The following SLC39A10 variants were observed in gnomAD, a reference collection of about 807,000 sequenced individuals.
The protein encoded by SLC39A10 is solute carrier family 39 member 10.
In SLC39A10, 13 loss-of-function variants were observed where a neutral mutation model predicts 65.1. The ratio of observed to expected loss-of-function variants is 0.20; its 90% CI spans 0.13 to 0.32. SLC39A10 has a LOEUF of 0.32. Ranked by LOEUF, SLC39A10 falls within the 10% of genes least tolerant of loss-of-function variation. The probability of loss-of-function intolerance (pLI) is 1.00; values close to 1 mark genes in which losing one functional copy is unlikely to be tolerated. For missense variants in SLC39A10, 831 were observed against 1,018.4 expected (o/e 0.82, Z 2.50); for synonymous variants, 321 against 342.2 (o/e 0.94, Z 0.68).
intron 3 of SLC39A10, among the ~76,000 whole-genome samples, chr2:195,688,612 TAGTAGTAGG>T (rs888942118): frequency 6.6e-6 from 1 of 152,184 alleles, no homozygotes; most frequent in African/African-American, 2.4e-5. Context: ...CTTAGGAGAA[TAGTAGTAGG>T]ACTGTTTTCC....
rs957217987 is a variant in SLC39A10, at chr2:195,683,567, T to G, written c.1009-132T>G. 4.5e-6 allele frequency: 3 copies of G among 661,286 alleles called. No homozygotes were observed. In the African/African-American group the frequency reaches 5.5e-5, roughly 12 times the overall value. The allele number at this position is 661,286 out of a possible 1,614,324, so 41.0% of individuals were successfully genotyped here. ...CAAATTCTTATTAAAAAGTTTTATT[T>G]GTAATAGATATCTATGTATTACAGA... On this transcript the variant is annotated intron_variant, in intron 2 of 9. Transcript: ENST00000359634.
intron 1 of SLC39A10, among the ~76,000 whole-genome samples, chr2:195,673,438 G>T (rs932220777): frequency 1.3e-5 from 2 of 152,214 alleles, no homozygotes; most frequent in East Asian, 1.9e-4. Flanking sequence ...AATTGCAGGC[G>T]TGAGCCACAG....
At chr2:195,710,537 G>T (rs1559044538) in intron 5 of SLC39A10, among the ~76,000 whole-genome samples, 1 of 152,100 alleles carries the variant, frequency 6.6e-6, no homozygotes, top group African/African-American at 2.4e-5. Flanking sequence ...TGGGATTCAT[G>T]GGAGTGATTC....
At chr2:195,669,501 A>G (rs1689764064) in intron 1 of SLC39A10, among the ~76,000 whole-genome samples, 1 of 152,190 alleles carries the variant, frequency 6.6e-6, no homozygotes, top group Non-Finnish European at 1.5e-5. Context: ...AAAATCTCAA[A>G]CATTCTACAT....
intron 2 of SLC39A10, among the ~76,000 whole-genome samples, chr2:195,629,974 G>C (rs1177969540): frequency 3.9e-5 from 6 of 152,032 alleles, no homozygotes; most frequent in Non-Finnish European, 7.4e-5. Context: ...AGGCTCAAAT[G>C]ATCTGCCCAC....
At chr2:195,629,265 GT>G (rs1407961755) in intron 2 of SLC39A10, among the ~76,000 whole-genome samples, 1 of 151,896 alleles carries the variant, frequency 6.6e-6, no homozygotes, top group Non-Finnish European at 1.5e-5. Context: ...GTGGTGGCGG[GT>G]GCCTGTAGTC....
At chr2:195,626,970 A>G (rs373841744) in intron 2 of SLC39A10, among the ~76,000 whole-genome samples, 3 of 152,206 alleles carry the variant, frequency 2.0e-5, no homozygotes, top group Admixed American at 6.5e-5. Flanking sequence ...ATGTCTTCCC[A>G]TATCCCTTGG....
At chr2:195,630,823 A>G (rs928287950) in intron 2 of SLC39A10, among the ~76,000 whole-genome samples, 1 of 152,252 alleles carries the variant, frequency 6.6e-6, no homozygotes, top group East Asian at 1.9e-4. Flanking sequence ...CAAATATCCT[A>G]CTAAAAAATT....
At position 195,664,840 on chromosome 2, in the gene SLC39A10, C is replaced by A. The variant is rs80076512; in HGVS notation, c.-12+7559C>A. ...TTGGAATTCATTCGAAGCAAGTAAT[C>A]AAAGATAATAGCACAAATTGGAATT... On this transcript the variant is annotated intron_variant, in intron 1 of 9. Coordinates refer to ENST00000359634, the MANE Select transcript of SLC39A10 (RefSeq NM_020342.3). Among the ~76,000 whole-genome samples the A allele has an allele frequency of 7.2e-3, 1,100 of 152,206 alleles. 72 individuals carry two copies. The East Asian group carries it at 0.15, about 21-fold the overall frequency.
intron 2 of SLC39A10, among the ~76,000 whole-genome samples, chr2:195,642,447 G>A (rs939287303): frequency 2.0e-5 from 3 of 152,234 alleles, no homozygotes; most frequent in African/African-American, 7.2e-5. Context: ...TTAAGGATTG[G>A]GGGAAACAAG....
At chr2:195,689,773 T>G (rs961305720) in intron 3 of SLC39A10, among the ~76,000 whole-genome samples, 1 of 152,192 alleles carries the variant, frequency 6.6e-6, no homozygotes, top group African/African-American at 2.4e-5. Flanking sequence ...ATGTTTATGA[T>G]TTTGATTAAG....
At chr2:195,697,353 A>G (rs992076909) in intron 3 of SLC39A10, among the ~76,000 whole-genome samples, 1 of 152,156 alleles carries the variant, frequency 6.6e-6, no homozygotes, top group Non-Finnish European at 1.5e-5. Context: ...AAGTCTTCCA[A>G]TCCGTGAACA....
chr2:195,656,123 T>C (rs1322340416), upstream of SLC39A10, among the ~76,000 whole-genome samples: 2 of 152,162 alleles, frequency 1.3e-5, no homozygotes, highest in African/African-American at 2.4e-5. Context: ...TTTTATTTTC[T>C]CTACTAGACA....
chr2:195,657,586 C>G, intron 1 of SLC39A10: 2 of 982,474 alleles, frequency 2.0e-6, no homozygotes, highest in Non-Finnish European at 2.4e-6. Flanking sequence ...CGGAGCCTCG[C>G]GCCCCCCTCA....
At chr2:195,627,951 T>C (rs1053849700) in intron 2 of SLC39A10, among the ~76,000 whole-genome samples, 2 of 152,220 alleles carry the variant, frequency 1.3e-5, no homozygotes, top group Admixed American at 1.3e-4. Context: ...TTTAGAAATA[T>C]GGACCTCTGG....
intron 8 of SLC39A10, among the ~76,000 whole-genome samples, chr2:195,719,356 A>G (rs1237553927): frequency 6.6e-6 from 1 of 152,188 alleles, no homozygotes; most frequent in African/African-American, 2.4e-5. Flanking sequence ...GTTTCTGCCC[A>G]GTACTCAGAA....
At chr2:195,704,200 C>G (rs1691306837) in intron 3 of SLC39A10, among the ~76,000 whole-genome samples, 1 of 151,946 alleles carries the variant, frequency 6.6e-6, no homozygotes, top group Non-Finnish European at 1.5e-5. Context: ...ACTGGCTTTT[C>G]CAAGTAGTTT....
intron 8 of SLC39A10, among the ~76,000 whole-genome samples, chr2:195,722,837 C>T (rs1692094222): frequency 6.6e-6 from 1 of 152,184 alleles, no homozygotes. Flanking sequence ...ACCTCAGACC[C>T]TTGGAGGAAA....
At chr2:195,697,545 A>G (rs1235803710) in intron 3 of SLC39A10, among the ~76,000 whole-genome samples, 1 of 152,112 alleles carries the variant, frequency 6.6e-6, no homozygotes, top group Non-Finnish European at 1.5e-5. Context: ...TATTAAGCCT[A>G]GTGCCCATTA....
Sources: allele counts gnomAD v4.1 joint callset (sites outside exome capture counted in the v4.1 genomes callset), GRCh38; gene constraint gnomAD v4.1.1; transcripts MANE v1.5; gene names NCBI Gene and HGNC (gene_info 2026-07-23, HGNC 2026-07-21).